Variants in GALT observed in about 807,000 individuals in gnomAD.
GALT encodes the protein UDP-glucose--hexose-1-phosphate uridylyltransferase.
GALT carries 42 observed loss-of-function variants against 55.4 expected under a neutral mutation model. The ratio of observed to expected loss-of-function variants is 0.76; its 90% confidence interval spans 0.59 to 0.98. The LOEUF is 0.98. Ranked by LOEUF, GALT falls within the 50% of genes least tolerant of loss-of-function variation. GALT has a pLI of 0.00. For synonymous variants in GALT, 154 were observed against 181.5 expected (o/e 0.85, Z 1.22); for missense variants, 407 against 495.7 (o/e 0.82, Z 1.70).
rs77191781 is a variant in GALT, at chr9:34,649,860, C to T, written c.1059+296C>T. ...GCTAAACTCTTTCATCCCCTGGTGG[C>T]TTCAGCAGTCCTTATCACCAGCCTC... On this transcript the variant is annotated intron_variant, in intron 10 of 10. Coordinates refer to ENST00000378842, the MANE Select transcript of GALT (RefSeq NM_000155.4). 6.5e-4 allele frequency: 263 copies of T among 403,130 alleles called. 3 individuals carry two copies. The East Asian group carries it at 8.5e-3, about 13-fold the overall frequency. The allele number at this position is 403,130 out of a possible 1,614,324, so 25.0% of individuals were successfully genotyped here. A position where few individuals can be genotyped will look rare whatever the true frequency, so the allele number is the denominator to read the frequency against.
chr9:34,649,554 C>G lies in GALT; in HGVS notation c.1049C>G (p.Thr350Ser), dbSNP rs775317639. ...CTTGCTCAGGCTCAGAGGGACCTCA[C>G]CCCTGAGCAGGTCAGGACTCAGAAC... ...EMLAQAQRDL[T>S]PEQAAERLRA... Residue 350 changes from threonine (T) to serine (S), a missense_variant, in exon 10 of 11, where the codon ACC becomes AGC. By Grantham distance (58) the Thr-to-Ser change is moderately conservative. Coordinates refer to ENST00000378842, the MANE Select transcript of GALT (RefSeq NM_000155.4). 6.2e-7 allele frequency: 1 copy of G among 1,614,186 alleles called. No individual in the cohort carries two copies. Among genetic ancestry groups the G allele is most frequent in the Admixed American group, 1.7e-5 (1 of 60,032 alleles).
rs1255453412 is a variant in GALT at position 34,647,369 on chromosome 9, C to A, written c.252+111C>A. ...AACCTCCTTCTGGGTCATATCCCAC[C>A]AAGCTTTTTGGTCCCCTAGGGTGGG... is the stretch of plus-strand genomic sequence containing the variant. On this transcript the variant is annotated intron_variant, in intron 2 of 10. Coordinates refer to ENST00000378842, the MANE Select transcript of GALT (RefSeq NM_000155.4). The surrounding 1 kb of genome is among the most constrained non-coding windows in gnomAD (Gnocchi z 5.6). 1 of 1,583,846 alleles carries A rather than the reference C, an allele frequency of 6.3e-7. No individual in the cohort carries two copies. Among genetic ancestry groups the A allele is most frequent in the Non-Finnish European group, 8.7e-7 (1 of 1,153,396 alleles).
intron 10 of GALT, 89 bp downstream of exon 10, chr9:34,649,653 C>G: frequency 4.0e-6 from 6 of 1,491,072 alleles, no homozygotes; most frequent in Non-Finnish European, 4.7e-6. Flanking sequence ...GTGCTCCAGT[C>G]ATTGCACAAG....
rs1421837891 is a variant in GALT at position 34,650,566 on chromosome 9, G to C, written c.*117G>C. 12 of 849,338 alleles carry C rather than the reference G, an allele frequency of 1.4e-5. No individual in the cohort carries two copies. Among genetic ancestry groups the C allele is most frequent in the Non-Finnish European group, 2.3e-5 (12 of 519,770 alleles). 52.6% of individuals were successfully genotyped at this position (849,338 alleles called of 1,614,324 possible). On this transcript the variant is annotated 3_prime_UTR_variant, in exon 11 of 11. Transcript: ENST00000378842. ...GGGCAGATATAGCATTAATAAAACT[G>C]TGCATCTCAAACTTTTATCACATAC... is the stretch of plus-strand genomic sequence containing the variant.
At position 34,650,680 on chromosome 9, in the gene GALT, T is replaced by G; in HGVS notation, c.*231T>G. On this transcript the variant is annotated 3_prime_UTR_variant, in exon 11 of 11. Coordinates refer to ENST00000378842, the MANE Select transcript of GALT (RefSeq NM_000155.4). Reference sequence around the variant, plus strand: ...GCTACAACTTTTCTTTGTCTACAGATGTGTAAAATCTTGATGCAAAAATCT... The same window carrying G: ...GCTACAACTTTTCTTTGTCTACAGAGGTGTAAAATCTTGATGCAAAAATCT... 1 of 552,250 alleles carries G rather than the reference T, an allele frequency of 1.8e-6. No individual in the cohort carries two copies. Among genetic ancestry groups the G allele is most frequent in the Non-Finnish European group, 3.2e-6 (1 of 309,734 alleles). 34.2% of individuals were successfully genotyped at this position (552,250 alleles called of 1,614,324 possible).
In GALT at chr9:34,647,978, C is replaced by G; in HGVS notation, c.507+17C>G. The G allele has an allele frequency of 6.2e-7, 1 of 1,614,192 alleles. No individual in the cohort carries two copies. Among genetic ancestry groups the G allele is most frequent in the South Asian group, 1.1e-5 (1 of 91,070 alleles). On this transcript the variant is annotated intron_variant, in intron 5 of 10. Transcript: ENST00000378842. This position sits in a 1 kb window ranked among gnomAD's most constrained non-coding sequence, Gnocchi z 5.6. ...TGGGTGCAGGTTTGTGAGGTCGCCC[C>G]TTCCCCTGGATGGGCAGGGAGGGGG...
At chr9:34,649,136 G>A (rs1821189365) in intron 9 of GALT, 55 bp downstream of exon 9, 2 of 1,548,338 alleles carry the variant, frequency 1.3e-6, no homozygotes, top group East Asian at 4.5e-5. Flanking sequence ...GGGCTCCTGG[G>A]GCTCAGCCTA....
intron 1 of GALT, 124 bp from the exon 2 acceptor site, chr9:34,646,965 C>A (rs1587236821): frequency 1.9e-6 from 3 of 1,604,718 alleles, no homozygotes; most frequent in East Asian, 4.5e-5. Flanking sequence ...CAATCCTGGG[C>A]CTCTAGCTCC....
chr9:34,649,285 T>C, intron 9 of GALT, 125 bp from the exon 10 acceptor site: 1 of 1,378,462 alleles, frequency 7.3e-7, no homozygotes, highest in Non-Finnish European at 1.0e-6. Flanking sequence ...TCCTGCCAGC[T>C]CTTCTCAAGC....
chr9:34,649,217 G>A, intron 9 of GALT, 136 bp downstream of exon 9: 1 of 1,200,830 alleles, frequency 8.3e-7, no homozygotes, highest in South Asian at 1.2e-5. Flanking sequence ...AGAGATGCTG[G>A]GACTGAGGGT....
chr9:34,647,303 T>TA lies in GALT; in HGVS notation c.252+46dup. The TA allele has an allele frequency of 6.2e-7, 1 of 1,611,942 alleles. No homozygotes were observed. The highest frequency in any genetic ancestry group is 8.5e-7 in the Non-Finnish European group (1 of 1,178,508). ...CATCTGCAGGCTGGGCCACGGGGAG[T>TA]AGTTCCCTCTTAGAACTGTCCTCCA... On this transcript the variant is annotated intron_variant, in intron 2 of 10. Coordinates refer to ENST00000378842, the MANE Select transcript of GALT (RefSeq NM_000155.4). This position sits in a 1 kb window ranked among gnomAD's most constrained non-coding sequence, Gnocchi z 5.6.
chr9:34,647,285 A>T lies in GALT; in HGVS notation c.252+27A>T, dbSNP rs1564100792. ...TAAGCCTGTAGAGCCCTGCATCTGC[A>T]GGCTGGGCCACGGGGAGTAGTTCCC... On this transcript the variant is annotated intron_variant, in intron 2 of 10. Transcript: ENST00000378842. This position sits in a 1 kb window ranked among gnomAD's most constrained non-coding sequence, Gnocchi z 5.6. 6.2e-7 allele frequency: 1 copy of T among 1,613,844 alleles called. No homozygotes were observed. Among genetic ancestry groups the T allele is most frequent in the South Asian group, 1.1e-5 (1 of 91,088 alleles).
In GALT at chr9:34,647,041, G is replaced by C. The variant is rs1307389464; in HGVS notation, c.83-48G>C. On this transcript the variant is annotated intron_variant, in intron 1 of 10. Transcript: ENST00000378842. The surrounding 1 kb of genome is among the most constrained non-coding windows in gnomAD (Gnocchi z 5.6). ...CTGCTGGTGGGTGAGACCCAGGAGA[G>C]AGGGAGCTAGAGAGCTCTGAGGACT... is the stretch of plus-strand genomic sequence containing the variant. 2 of 1,613,446 alleles carry C rather than the reference G, an allele frequency of 1.2e-6. No individual in the cohort carries two copies. The highest frequency in any genetic ancestry group is 1.7e-6 in the Non-Finnish European group (2 of 1,179,716).
In GALT at chr9:34,649,511, A is replaced by G. The variant is rs111033810; in HGVS notation, c.1006A>G (p.Met336Val). The G allele has an allele frequency of 1.2e-6, 2 of 1,614,116 alleles. No homozygotes were observed. The highest frequency in any genetic ancestry group is 4.5e-5 in the East Asian group (2 of 44,882). The change falls in exon 10 of 11, where the codon ATG (methionine) becomes GTG (valine). Residue 336 changes from methionine to valine, a missense_variant. Met to Val is a conservative substitution (Grantham distance 21). Coordinates refer to ENST00000378842, the MANE Select transcript of GALT (RefSeq NM_000155.4). ...LLRSATVRKF[M>V]VGYEMLAQAQ... is the part of the protein sequence containing the mutation. The stretch of plus-strand genomic sequence containing the variant: ...GCGCTCTGCCACTGTCCGGAAATTC[A>G]TGGTTGGCTACGAAATGCTTGCTCA...
Position 34,646,696 on chromosome 9 carries a change from G to T in GALT, c.-9G>T. 1 of 1,613,678 alleles carries T rather than the reference G, an allele frequency of 6.2e-7. No homozygotes were observed. The highest frequency in any genetic ancestry group is 1.1e-5 in the South Asian group (1 of 91,074). The stretch of plus-strand genomic sequence containing the variant: ...CTGCAGATTTTCCAGCGGATCCCCC[G>T]GTGGCCTCATGTCGCGCAGTGGAAC... On this transcript the variant is annotated 5_prime_UTR_variant, in exon 1 of 11. Coordinates refer to ENST00000378842, the MANE Select transcript of GALT (RefSeq NM_000155.4).
chr9:34,649,493 G>T lies in GALT; in HGVS notation c.988G>T (p.Ala330Ser), dbSNP rs373852153. 1.9e-5 allele frequency: 30 copies of T among 1,614,044 alleles called. No homozygotes were observed. Among genetic ancestry groups the T allele is most frequent in the Non-Finnish European group, 2.5e-5 (30 of 1,180,046 alleles). The change falls in exon 10 of 11, where the codon GCC becomes TCC. Residue 330 changes from alanine to serine, a missense_variant. Physicochemically the swap from Ala to Ser is moderately conservative, Grantham distance 99. Coordinates refer to ENST00000378842, the MANE Select transcript of GALT (RefSeq NM_000155.4). ...TTACTACCCTCCGCTCCTGCGCTCT[G>T]CCACTGTCCGGAAATTCATGGTTGG... ...AHYYPPLLRSATVRKFMVGYE... is the reference protein window; with the variant it reads ...AHYYPPLLRSSTVRKFMVGYE...
rs1213688840 is a variant in GALT, at chr9:34,646,695, C to T, written c.-10C>T. The T allele has an allele frequency of 1.2e-6, 2 of 1,613,536 alleles. No individual in the cohort carries two copies. The highest frequency in any genetic ancestry group is 2.7e-5 in the African/African-American group (2 of 74,922). On this transcript the variant is annotated 5_prime_UTR_variant, in exon 1 of 11. Transcript: ENST00000378842. ...CCTGCAGATTTTCCAGCGGATCCCC[C>T]GGTGGCCTCATGTCGCGCAGTGGAA...
chr9:34,650,741 TATATC>T lies in GALT; in HGVS notation c.*293_*297del, dbSNP rs1821235381. The T allele has an allele frequency of 2.4e-6, 1 of 422,284 alleles. No individual in the cohort carries two copies. The highest frequency in any genetic ancestry group is 2.0e-5 in the African/African-American group (1 of 49,666). The allele number at this position is 422,284 out of a possible 1,614,324, so 26.2% of individuals were successfully genotyped here. On this transcript the variant is annotated 3_prime_UTR_variant, in exon 11 of 11. Transcript: ENST00000378842. ...TCTGAACAAAATTAATATTCAGTAT[TATATC>T]TAGCCTATAGATTCTCTTACTCTTG...
rs1306971625 is a variant in GALT at position 34,650,357 on chromosome 9, T to G, written c.1060-12T>G. 1 of 1,610,556 alleles carries G rather than the reference T, an allele frequency of 6.2e-7. No individual in the cohort carries two copies. Among genetic ancestry groups the G allele is most frequent in the Admixed American group, 1.7e-5 (1 of 59,952 alleles). On this transcript the variant is annotated splice_polypyrimidine_tract_variant and intron_variant, in intron 10 of 10. Transcript: ENST00000378842. ...CCTTATCCTCCTTAATTGCTCCCTG[T>G]CCCTTTTCCAGGCTGCAGAGAGACT...
Sources: allele counts gnomAD v4.1 joint callset, GRCh38; gene constraint gnomAD v4.1.1; non-coding constraint Gnocchi (gnomAD v3.1); transcripts MANE v1.5; gene names NCBI Gene and HGNC (gene_info 2026-07-23, HGNC 2026-07-21).